Variants in ARSG observed in about 807,000 individuals in gnomAD.
ARSG encodes the protein ASG.
A neutral mutation model predicts 50.5 loss-of-function variants in ARSG; 37 were observed. The observed-to-expected ratio is 0.73, with a 90% CI of 0.56 to 0.96. The LOEUF is 0.96. Ranked by LOEUF, ARSG falls within the 50% of genes least tolerant of loss-of-function variation. The pLI is 0.00. For synonymous variants in ARSG, 225 were observed against 254.6 expected, an observed-to-expected ratio of 0.88 and a Z score of 1.11; for missense variants, 629 against 675.3, an observed-to-expected ratio of 0.93 and a Z score of 0.76.
intron 1 of ARSG, among the ~76,000 whole-genome samples, chr17:68,263,332 A>G (rs1555745650): frequency 1.3e-5 from 2 of 152,228 alleles, no homozygotes; most frequent in Non-Finnish European, 1.5e-5. Context: ...CACTTAGGAC[A>G]CATGCAATAT....
At chr17:68,282,042 A>G (rs1444595017) in intron 1 of ARSG, among the ~76,000 whole-genome samples, 2 of 152,232 alleles carry the variant, frequency 1.3e-5, no homozygotes, top group African/African-American at 4.8e-5. Flanking sequence ...CTATAAAGAC[A>G]CATGCACACG....
intron 1 of ARSG, among the ~76,000 whole-genome samples, chr17:68,264,237 G>C (rs1212645279): frequency 2.0e-5 from 3 of 152,122 alleles, no homozygotes; most frequent in Non-Finnish European, 4.4e-5. Context: ...ATACCACCTG[G>C]TGATTTGAAT....
intron 8 of ARSG, among the ~76,000 whole-genome samples, chr17:68,382,428 G>A (rs1274539724): frequency 6.6e-6 from 1 of 152,180 alleles, no homozygotes; most frequent in Non-Finnish European, 1.5e-5. Flanking sequence ...TACTTAGTAA[G>A]GGCTCAATAA....
chr17:68,351,693 C>T lies in ARSG; in HGVS notation c.566+7C>T, dbSNP rs748686460. 6.3e-7 allele frequency: 1 copy of T among 1,580,116 alleles called. No homozygotes were observed. The highest frequency in any genetic ancestry group is 8.7e-7 in the Non-Finnish European group (1 of 1,149,116). Reference sequence around the variant, plus strand: ...AGGGTGATGGACCATCAAGGTAATGCTGTCTGACACATTTGCGATAGGCTC... The same window carrying T: ...AGGGTGATGGACCATCAAGGTAATGTTGTCTGACACATTTGCGATAGGCTC... On this transcript the variant is annotated splice_region_variant and intron_variant, in intron 5 of 11. Transcript: ENST00000621439.
chr17:68,338,773 A>T (rs1344958905), intron 2 of ARSG, among the ~76,000 whole-genome samples: 1 of 152,232 alleles, frequency 6.6e-6, no homozygotes, highest in Non-Finnish European at 1.5e-5. Context: ...CCCTGTTCGT[A>T]GTTCAAGCTA....
chr17:68,311,261 C>A (rs959429634), intron 2 of ARSG, among the ~76,000 whole-genome samples: 1 of 152,194 alleles, frequency 6.6e-6, no homozygotes, highest in African/African-American at 2.4e-5. Context: ...GTGATGGGTT[C>A]ATCCTGGTGC....
chr17:68,343,372 G>C (rs998399258), intron 2 of ARSG, among the ~76,000 whole-genome samples: 1 of 152,150 alleles, frequency 6.6e-6, no homozygotes, highest in African/African-American at 2.4e-5. Context: ...GGCCAGGCTG[G>C]TCTTGAACTC....
At chr17:68,392,924 C>A (rs966269443) in intron 9 of ARSG, among the ~76,000 whole-genome samples, 2 of 152,230 alleles carry the variant, frequency 1.3e-5, no homozygotes. Context: ...ATGGAAAAGG[C>A]AGTGAATATT....
chr17:68,317,327 T>TGGGAGAAACTGAGGCC (rs2077104676), intron 2 of ARSG, among the ~76,000 whole-genome samples: 1 of 152,166 alleles, frequency 6.6e-6, no homozygotes, highest in South Asian at 2.1e-4. Flanking sequence ...CATATCCCTT[T>TGGGAGAAACTGAGGCC]GGGAGAAACT....
chr17:68,361,652 G>T (rs1003593097), intron 6 of ARSG, among the ~76,000 whole-genome samples: 4 of 152,104 alleles, frequency 2.6e-5, no homozygotes, highest in Admixed American at 2.0e-4. Context: ...GGTGGCTCAC[G>T]CCTGTAATCC....
chr17:68,328,525 G>A (rs1206755483), intron 2 of ARSG, among the ~76,000 whole-genome samples: 1 of 152,090 alleles, frequency 6.6e-6, no homozygotes, highest in Non-Finnish European at 1.5e-5. Flanking sequence ...TTCTCAGATA[G>A]GGCTCATCTT....
chr17:68,269,313 C>T, intron 1 of ARSG: 1 of 1,254,500 alleles, frequency 8.0e-7, no homozygotes. Context: ...GTAGAAGGCC[C>T]TGCTGTAGAT....
At chr17:68,376,962 C>A (rs557660119) in intron 8 of ARSG, among the ~76,000 whole-genome samples, 1 of 151,906 alleles carries the variant, frequency 6.6e-6, no homozygotes, top group South Asian at 2.1e-4. Context: ...CAGGTTCAAG[C>A]GATTCTCCTG....
intron 2 of ARSG, among the ~76,000 whole-genome samples, chr17:68,308,213 G>T (rs2145600188): frequency 6.6e-6 from 1 of 152,326 alleles, no homozygotes; most frequent in African/African-American, 2.4e-5. Flanking sequence ...GGCTGAAGTG[G>T]GAGTGTGTCT....
chr17:68,366,223 G>T (rs11654716), intron 6 of ARSG, among the ~76,000 whole-genome samples: 25,929 of 147,284 alleles, frequency 0.18, 2,705 homozygotes, highest in Non-Finnish European at 0.24. Context: ...ACAGGTGTGA[G>T]CCACTACGCC....
chr17:68,347,526 G>A (rs1386987374), intron 4 of ARSG, among the ~76,000 whole-genome samples: 1 of 152,102 alleles, frequency 6.6e-6, no homozygotes, highest in Admixed American at 6.6e-5. Flanking sequence ...TTGACTGATG[G>A]GTTCACCGAA....
chr17:68,314,372 C>G (rs1435655834), intron 2 of ARSG, among the ~76,000 whole-genome samples: 1 of 151,928 alleles, frequency 6.6e-6, no homozygotes, highest in Non-Finnish European at 1.5e-5. Context: ...ACTAAAAATA[C>G]AAAAGTAGCC....
At chr17:68,265,942 G>A (rs1402507170) in intron 1 of ARSG, among the ~76,000 whole-genome samples, 1 of 152,048 alleles carries the variant, frequency 6.6e-6, no homozygotes, top group Non-Finnish European at 1.5e-5. Context: ...GAGGCCTCAT[G>A]GCCTGCAAAG....
chr17:68,436,628 T>G, the ARSG span: 2,189 of 671,858 alleles, frequency 3.3e-3, 8 homozygotes, highest in Admixed American at 9.0e-3. Context: ...CGCTGATGAT[T>G]CTTCTGATTA....
Sources: gnomAD v4.1 joint callset for allele counts (sites outside exome capture counted in the v4.1 genomes callset) on GRCh38, gnomAD v4.1.1 for gene constraint, MANE v1.5 for transcripts, NCBI Gene and HGNC (gene_info 2026-07-23, HGNC 2026-07-21) for gene names.